CNEP1R1: variants seen among roughly 807,000 people sequenced by gnomAD.
CNEP1R1 encodes the protein CTD nuclear envelope phosphatase 1 regulatory subunit 1, also known as nuclear envelope phosphatase-regulatory subunit 1.
Under a neutral mutation model 22.7 loss-of-function variants are expected in CNEP1R1, and 10 were observed. The observed-to-expected ratio is 0.44, with a 90% CI of 0.27 to 0.75. CNEP1R1 has a LOEUF of 0.75. Ranked by LOEUF, CNEP1R1 falls within the 30% of genes least tolerant of loss-of-function variation. CNEP1R1 has a pLI of 0.17. For synonymous variants in CNEP1R1, 53 were observed against 50.1 expected (o/e 1.06, Z -0.25); for missense variants, 73 against 151.5 (o/e 0.48, Z 2.72).
intron 3 of CNEP1R1, 109 bp from the exon 4 acceptor site, chr16:50,033,288 T>G: frequency 2.1e-6 from 1 of 473,462 alleles, no homozygotes; most frequent in Non-Finnish European, 3.7e-6. Context: ...CAAATCCTCA[T>G]GGTTTATATG....
intron 5 of CNEP1R1, 83 bp downstream of exon 5, chr16:50,034,239 A>AGCAATAAAT (rs2036257152): frequency 1.2e-6 from 1 of 824,058 alleles, no homozygotes; most frequent in South Asian, 1.5e-5. Context: ...ACATTTTATT[A>AGCAATAAAT]GCAATAAATT....
At chr16:50,025,812 C>A in intron 1 of CNEP1R1, 2 of 893,464 alleles carry the variant, frequency 2.2e-6, no homozygotes, top group South Asian at 2.8e-5. Context: ...GAACTAGGCG[C>A]TGCCTGGGTG....
At chr16:50,025,695 T>G (rs372299754) in intron 1 of CNEP1R1, 1 of 1,613,832 alleles carries the variant, frequency 6.2e-7, no homozygotes, top group East Asian at 2.2e-5. Flanking sequence ...TTCCGGTAAC[T>G]GCCAAGGTTA....
At chr16:50,034,973 T>C (rs533506332) in intron 5 of CNEP1R1, among the ~76,000 whole-genome samples, 3 of 152,326 alleles carry the variant, frequency 2.0e-5, no homozygotes, top group African/African-American at 7.2e-5. Flanking sequence ...AGCTTCTATT[T>C]TGATTTGCTT....
chr16:50,030,659 A>G (rs1251619505), intron 3 of CNEP1R1, among the ~76,000 whole-genome samples: 2 of 152,214 alleles, frequency 1.3e-5, no homozygotes, highest in Non-Finnish European at 1.5e-5. Flanking sequence ...TGTATAGGCC[A>G]TGTTTCCCAA....
intron 2 of CNEP1R1, among the ~76,000 whole-genome samples, chr16:50,028,704 G>A (rs1304969032): frequency 6.6e-6 from 1 of 152,112 alleles, no homozygotes; most frequent in Non-Finnish European, 1.5e-5. Context: ...GCATGTGTAT[G>A]AGGTCCTTTC....
At chr16:50,025,931 A>G in intron 1 of CNEP1R1, 1 of 547,584 alleles carries the variant, frequency 1.8e-6, no homozygotes, top group Non-Finnish European at 3.2e-6. Flanking sequence ...GTAGCCATTA[A>G]TTAAATATAA....
intron 4 of CNEP1R1, among the ~76,000 whole-genome samples, chr16:50,033,892 T>G (rs1195451026): frequency 2.2e-5 from 3 of 138,346 alleles, no homozygotes; most frequent in South Asian, 2.3e-4. Flanking sequence ...ACGCTTTGTG[T>G]TTTTTTTTTG....
intron 2 of CNEP1R1, among the ~76,000 whole-genome samples, chr16:50,027,457 G>A (rs1173423946): frequency 1.3e-5 from 2 of 148,286 alleles, no homozygotes; most frequent in African/African-American, 5.0e-5. Flanking sequence ...GCAGTGAGCC[G>A]AGATTGCACC....
In CNEP1R1 at chr16:50,026,478, G is replaced by C. The variant is rs376719250; in HGVS notation, c.97+11G>C. On this transcript the variant is annotated intron_variant, in intron 2 of 5. Coordinates refer to ENST00000427478, the MANE Select transcript of CNEP1R1 (RefSeq NM_001281789.2). Reference sequence around the variant, plus strand: ...CTGGACGCTGGAGAAGTAAGTTCCTGAATGTTATTTTAAGGGAAAACTAAC... The same window carrying C: ...CTGGACGCTGGAGAAGTAAGTTCCTCAATGTTATTTTAAGGGAAAACTAAC... 2.3e-5 allele frequency: 36 copies of C among 1,590,982 alleles called. No individual in the cohort carries two copies. The African/African-American group carries it at 4.7e-4, about 21-fold the overall frequency.
intron 2 of CNEP1R1, chr16:50,026,672 C>T: frequency 1.8e-6 from 1 of 552,318 alleles, no homozygotes; most frequent in East Asian, 3.0e-5. Flanking sequence ...TTTTGTTTTT[C>T]CATTAAAAAA....
At position 50,035,935 on chromosome 16, in the gene CNEP1R1, C is replaced by CA. The variant is rs144082948; in HGVS notation, c.*478dup. ...CTATTATGTGTGCCTTTCATTCTTA[C>CA]ATTTCTAATCATACTGCAGGAAAAA... On this transcript the variant is annotated 3_prime_UTR_variant, in exon 6 of 6. Coordinates refer to ENST00000427478, the MANE Select transcript of CNEP1R1 (RefSeq NM_001281789.2). 9.7e-3 allele frequency: 1,487 copies of CA among 153,890 alleles called. 86 individuals are homozygous for CA. The highest frequency in any genetic ancestry group is 0.085 in the Admixed American group (1,311 of 15,336). 9.5% of individuals were successfully genotyped at this position (153,890 alleles called of 1,614,324 possible).
Position 50,033,409 on chromosome 16 carries a change from A to G in CNEP1R1, c.184A>G (p.Thr62Ala), listed in dbSNP as rs2036248174. 1.9e-6 allele frequency: 3 copies of G among 1,576,726 alleles called. No individual in the cohort carries two copies. Among genetic ancestry groups the G allele is most frequent in the South Asian group, 1.1e-5 (1 of 89,134 alleles). ...DPETQKVSFF[T>A]SLWNHPFFTI... ...TCTTCTTTTACAGGTGTCCTTCTTC[A>G]CATCATTATGGAATCACCCATTTTT... is the stretch of plus-strand genomic sequence containing the variant. Residue 62 changes from threonine (T) to alanine (A), a missense_variant, in exon 4 of 6, where the codon ACA becomes GCA. Transcript: ENST00000427478.
intron 1 of CNEP1R1, chr16:50,025,706 G>A: frequency 2.5e-6 from 4 of 1,613,304 alleles, no homozygotes; most frequent in Non-Finnish European, 3.4e-6. Flanking sequence ...GCCAAGGTTA[G>A]GAAGTGCTGC....
In CNEP1R1 at chr16:50,036,401, A is replaced by T. The variant is rs974244100; in HGVS notation, c.*943A>T. On this transcript the variant is annotated 3_prime_UTR_variant, in exon 6 of 6. Transcript: ENST00000427478. ...TGATCCTCCTGCCTCATCCTCCCAA[A>T]ATGCTGGGATTACAGGCATAAGCCA... 12 of 152,160 alleles carry T rather than the reference A, an allele frequency of 7.9e-5. No homozygotes were observed. Among genetic ancestry groups the T allele is most frequent in the Middle Eastern group, 3.4e-3 (1 of 294 alleles). 9.4% of individuals were successfully genotyped at this position (152,160 alleles called of 1,614,324 possible). A position where few individuals can be genotyped will look rare whatever the true frequency, so the allele number is the denominator to read the frequency against.
chr16:50,030,896 CTA>C (rs1392883046), intron 3 of CNEP1R1, among the ~76,000 whole-genome samples: 6 of 152,222 alleles, frequency 3.9e-5, no homozygotes, highest in South Asian at 2.1e-4. Flanking sequence ...AAGAATATCC[CTA>C]TACCAAATGC....
chr16:50,029,224 G>A (rs541731974), intron 2 of CNEP1R1, among the ~76,000 whole-genome samples: 25 of 152,220 alleles, frequency 1.6e-4, no homozygotes, highest in African/African-American at 4.1e-4. Context: ...AAGAAAATCC[G>A]ATACTAACTG....
chr16:50,034,104 T>C lies in CNEP1R1; in HGVS notation c.284T>C (p.Ile95Thr). Reference protein sequence around the residue: ...IHKRVVAPSIIAARCRTVLAE... With the variant: ...IHKRVVAPSITAARCRTVLAE... ...TTCCTTTGACCACATGTATTCAGTA[T>C]AGCTGCTCGATGTCGAACGGTATTA... is the stretch of plus-strand genomic sequence containing the variant. Residue 95 changes from isoleucine (I) to threonine (T), a missense_variant and splice_region_variant, in exon 5 of 6, where the codon ATA becomes ACA. Physicochemically the swap from Ile to Thr is moderately conservative, Grantham distance 89 (BLOSUM62 -1). Coordinates refer to ENST00000427478, the MANE Select transcript of CNEP1R1 (RefSeq NM_001281789.2). 6.3e-7 allele frequency: 1 copy of C among 1,593,498 alleles called. No individual in the cohort carries two copies. Among genetic ancestry groups the C allele is most frequent in the Non-Finnish European group, 8.6e-7 (1 of 1,168,604 alleles).
At chr16:50,032,878 G>T (rs1365175373) in intron 3 of CNEP1R1, among the ~76,000 whole-genome samples, 1 of 152,096 alleles carries the variant, frequency 6.6e-6, no homozygotes, top group African/African-American at 2.4e-5. Flanking sequence ...GGTGGTGGGC[G>T]CCTGTAATCC....
Sources: allele counts gnomAD v4.1 joint callset (sites outside exome capture counted in the v4.1 genomes callset), GRCh38; gene constraint gnomAD v4.1.1; transcripts MANE v1.5; gene names NCBI Gene and HGNC (gene_info 2026-07-23, HGNC 2026-07-21).